PTPRD: variants seen among roughly 807,000 people sequenced by gnomAD.
PTPRD encodes the protein protein tyrosine phosphatase receptor type D.
Under a neutral mutation model 214.5 loss-of-function variants are expected in PTPRD, and 34 were observed. The ratio of observed to expected loss-of-function variants is 0.16; its 90% CI spans 0.12 to 0.21. The LOEUF (loss-of-function observed/expected upper bound fraction) is 0.21, where lower values mean the gene tolerates loss of function less well. Among genes scored for constraint, PTPRD ranks in the 10% least tolerant of loss-of-function variants. The pLI is 1.00. For synonymous variants in PTPRD, 1,128 were observed against 845.7 expected, an observed-to-expected ratio of 1.33 and a Z score of -5.79; for missense variants, 2,545 against 2,398.7, an observed-to-expected ratio of 1.06 and a Z score of -1.27.
At chr9:8,349,686 C>A (rs2074882196) in intron 39 of PTPRD, among the ~76,000 whole-genome samples, 1 of 152,120 alleles carries the variant, frequency 6.6e-6, no homozygotes, top group African/African-American at 2.4e-5. Flanking sequence ...GAGTGCATAA[C>A]CCTGTGCTTC....
chr9:9,019,873 A>C (rs1437377031), intron 10 of PTPRD, among the ~76,000 whole-genome samples: 3 of 152,180 alleles, frequency 2.0e-5, no homozygotes, highest in Non-Finnish European at 4.4e-5. Flanking sequence ...TTTTCATTGA[A>C]CTTGTTCACT....
At chr9:10,198,759 T>C in intron 3 of PTPRD, among the ~76,000 whole-genome samples, 1 of 152,140 alleles carries the variant, frequency 6.6e-6, no homozygotes, top group Admixed American at 6.6e-5. Context: ...GAAAAATGAA[T>C]CCATTATTCC....
chr9:9,217,137 T>G (rs2099952811), intron 9 of PTPRD, among the ~76,000 whole-genome samples: 1 of 152,116 alleles, frequency 6.6e-6, no homozygotes, highest in African/African-American at 2.4e-5. Context: ...ACTGGGAGGC[T>G]GTAGGGCTGG....
chr9:9,307,623 C>T (rs1424823170), intron 9 of PTPRD, among the ~76,000 whole-genome samples: 4 of 152,100 alleles, frequency 2.6e-5, no homozygotes, highest in African/African-American at 9.7e-5. Context: ...CTTGACTACC[C>T]CAGTGGTCTC....
intron 11 of PTPRD, among the ~76,000 whole-genome samples, chr9:8,828,821 G>A (rs938834403): frequency 6.6e-6 from 1 of 152,106 alleles, no homozygotes; most frequent in Non-Finnish European, 1.5e-5. Flanking sequence ...TATAAAATTT[G>A]TGAAATTCTC....
At chr9:9,014,921 C>G (rs1046080100) in intron 11 of PTPRD, among the ~76,000 whole-genome samples, 1 of 151,918 alleles carries the variant, frequency 6.6e-6, no homozygotes, top group Non-Finnish European at 1.5e-5. Context: ...AAAGACCTTG[C>G]TATATTCTGT....
At chr9:9,080,333 G>A (rs930367415) in intron 10 of PTPRD, among the ~76,000 whole-genome samples, 1 of 151,950 alleles carries the variant, frequency 6.6e-6, no homozygotes, top group African/African-American at 2.4e-5. Flanking sequence ...AAAATACATG[G>A]AAAAGTAATT....
intron 2 of PTPRD, among the ~76,000 whole-genome samples, chr9:10,562,330 T>C: frequency 1.1e-5 from 1 of 92,814 alleles, no homozygotes. Flanking sequence ...GTTCGTTAAC[T>C]TTTTTTTTTT....
At chr9:8,428,530 GA>G (rs994026278) in intron 35 of PTPRD, among the ~76,000 whole-genome samples, 80 of 152,048 alleles carry the variant, frequency 5.3e-4, no homozygotes, top group African/African-American at 1.9e-3. Flanking sequence ...CCTTCCCTTA[GA>G]AATGGAAGAG....
At chr9:9,087,381 C>G (rs979963560) in intron 10 of PTPRD, among the ~76,000 whole-genome samples, 1 of 152,022 alleles carries the variant, frequency 6.6e-6, no homozygotes, top group Non-Finnish European at 1.5e-5. Context: ...GACCATTTTT[C>G]AGTGGTTTAC....
At chr9:9,702,255 A>G (rs778569330) in intron 7 of PTPRD, among the ~76,000 whole-genome samples, 5 of 152,234 alleles carry the variant, frequency 3.3e-5, no homozygotes, top group Non-Finnish European at 5.9e-5. Context: ...GAGAGGGTGC[A>G]TAAAACAGTG....
intron 9 of PTPRD, among the ~76,000 whole-genome samples, chr9:9,259,854 C>T (rs1569565919): frequency 6.6e-6 from 1 of 151,870 alleles, no homozygotes; most frequent in East Asian, 2.0e-4. Context: ...AAAGGGCAAT[C>T]AGAGATTCCT....
At chr9:10,214,241 C>G (rs1384083910) in intron 3 of PTPRD, among the ~76,000 whole-genome samples, 1 of 151,708 alleles carries the variant, frequency 6.6e-6, no homozygotes, top group Non-Finnish European at 1.5e-5. Context: ...GTGACAACCA[C>G]TACCTTCTTC....
intron 3 of PTPRD, among the ~76,000 whole-genome samples, chr9:10,179,680 T>C (rs1274677504): frequency 6.6e-6 from 1 of 152,038 alleles, no homozygotes; most frequent in African/African-American, 2.4e-5. Flanking sequence ...ACCCATTCAA[T>C]CCTCACTAAA....
intron 5 of PTPRD, among the ~76,000 whole-genome samples, chr9:9,905,671 A>G (rs1163175218): frequency 1.3e-5 from 2 of 152,182 alleles, no homozygotes; most frequent in East Asian, 3.9e-4. Flanking sequence ...TCATGTAATT[A>G]AATTTCCTAC....
chr9:10,208,381 G>C (rs552342878), intron 3 of PTPRD, among the ~76,000 whole-genome samples: 54 of 152,240 alleles, frequency 3.5e-4, no homozygotes, highest in Middle Eastern at 3.4e-3. Flanking sequence ...GGGCGTGGTG[G>C]CGGGCGCCTG....
chr9:10,205,366 T>TA (rs1564514497), intron 3 of PTPRD, among the ~76,000 whole-genome samples: 15 of 147,896 alleles, frequency 1.0e-4, no homozygotes, highest in African/African-American at 3.8e-4. Flanking sequence ...TTCTTCTTCT[T>TA]CTTTATTTTA....
At chr9:9,620,868 A>G (rs1475648978) in intron 7 of PTPRD, among the ~76,000 whole-genome samples, 1 of 44,536 alleles carries the variant, frequency 2.2e-5, no homozygotes, top group Non-Finnish European at 5.0e-5. Flanking sequence ...AGAGAGGAGA[A>G]AAAAAAAAAA....
At chr9:10,580,012 C>T (rs1487377351) in intron 2 of PTPRD, among the ~76,000 whole-genome samples, 2 of 152,058 alleles carry the variant, frequency 1.3e-5, no homozygotes, top group Non-Finnish European at 2.9e-5. Context: ...TTAGTTTTCA[C>T]TCAGTTCTGA....
Sources: allele counts gnomAD v4.1 joint callset (sites outside exome capture counted in the v4.1 genomes callset), GRCh38; gene constraint gnomAD v4.1.1; transcripts MANE v1.5; gene names NCBI Gene and HGNC (gene_info 2026-07-23, HGNC 2026-07-21).